Variants in TRIP6 observed in about 807,000 individuals in gnomAD.
The protein encoded by TRIP6 is thyroid hormone receptor interactor 6.
In TRIP6, 33 loss-of-function variants were observed where a neutral mutation model predicts 51.9. The ratio of observed to expected loss-of-function variants is 0.64; its 90% CI spans 0.48 to 0.85. The LOEUF (loss-of-function observed/expected upper bound fraction) is 0.85. TRIP6 is among the 40% of genes least tolerant of loss of function. The pLI, the probability that TRIP6 is intolerant of heterozygous loss-of-function variation, is 0.00. For synonymous variants in TRIP6, 255 were observed against 275.8 expected, an observed-to-expected ratio of 0.92 and a Z score of 0.75; for missense variants, 661 against 652.1, an observed-to-expected ratio of 1.01 and a Z score of -0.15.
In TRIP6 at chr7:100,867,763, G is replaced by T. The variant is rs1360781880; in HGVS notation, c.110-98G>T. 5.3e-6 allele frequency: 8 copies of T among 1,509,026 alleles called. No individual in the cohort carries two copies. The Admixed American group carries it at 1.8e-4, about 35-fold the overall frequency. 93.5% of individuals were successfully genotyped at this position (1,509,026 alleles called of 1,614,324 possible). A position where few individuals can be genotyped will look rare whatever the true frequency, so the allele number is the denominator to read the frequency against. ...GCGCTCTCTTGGGACCCTAGATTTGGGGGAGGAGGTAACGAGAGGCGGAGA... is the reference window on the plus strand; with the variant it reads ...GCGCTCTCTTGGGACCCTAGATTTGTGGGAGGAGGTAACGAGAGGCGGAGA... On this transcript the variant is annotated intron_variant, in intron 1 of 8. Coordinates refer to ENST00000200457, the MANE Select transcript of TRIP6 (RefSeq NM_003302.3). This position sits in a 1 kb window ranked among gnomAD's most constrained non-coding sequence, Gnocchi z 5.4.
At chr7:100,872,181 GT>G (rs34239953) in intron 7 of TRIP6, among the ~76,000 whole-genome samples, 32,723 of 94,922 alleles carry the variant, frequency 0.34, 2,596 homozygotes, top group Non-Finnish European at 0.37. Flanking sequence ...CGCCTGGCTA[GT>G]TTTTTTTTTT....
Position 100,868,637 on chromosome 7 carries a change from C to T in TRIP6, c.506C>T (p.Pro169Leu), listed in dbSNP as rs761604927. Reference protein sequence around the residue: ...TASTPAGPAFPVQVKVAQPVR... With the variant: ...TASTPAGPAFLVQVKVAQPVR... ...AGCACCCCGGCTGGCCCAGCCTTCC[C>T]CGTGCAAGTGAAGGTGGCACAGCCA... The change falls in exon 4 of 9, where the codon CCC becomes CTC. Residue 169 changes from proline to leucine, a missense_variant. Transcript: ENST00000200457. The T allele has an allele frequency of 5.0e-6, 8 of 1,611,906 alleles. No individual in the cohort carries two copies. The South Asian group carries it at 8.8e-5, about 18-fold the overall frequency.
intron 3 of TRIP6, 41 bp downstream of exon 3, chr7:100,868,274 C>T (rs778495731): frequency 1.3e-6 from 2 of 1,592,262 alleles, no homozygotes; most frequent in Non-Finnish European, 1.7e-6. Flanking sequence ...CTGCCCCCTT[C>T]TCTGGACTCT....
chr7:100,871,545 C>T lies in TRIP6; in HGVS notation c.1002C>T (p.Ala334=). 6.2e-7 allele frequency: 1 copy of T among 1,613,046 alleles called. No homozygotes were observed. The highest frequency in any genetic ancestry group is 1.1e-5 in the South Asian group (1 of 91,054). ...RRAYCEGCYV[A]TLEKCATCSQ... ...CTTCCTGCCTTCCTTCCCAACAGGC[C>T]ACCCTGGAGAAATGTGCCACGTGCT... Residue 334 remains alanine, a splice_region_variant and synonymous_variant, in exon 7 of 9, where the codon GCC becomes GCT. Coordinates refer to ENST00000200457, the MANE Select transcript of TRIP6 (RefSeq NM_003302.3).
intron 6 of TRIP6, chr7:100,871,083 G>C (rs1563003168): frequency 1.9e-6 from 1 of 513,302 alleles, no homozygotes; most frequent in Non-Finnish European, 3.8e-6. Flanking sequence ...GCGCAGACTG[G>C]AGTGCAGTGG....
chr7:100,871,833 CTT>C lies in TRIP6; in HGVS notation c.1178+114_1178+115del, dbSNP rs1815278553. ...TTTCCAACCCTGGCCCTCCTTCGTT[CTT>C]TGTTATTGTTATTTTTTAGAGACGG... On this transcript the variant is annotated intron_variant, in intron 7 of 8. Transcript: ENST00000200457. 3.7e-6 allele frequency: 5 copies of C among 1,340,188 alleles called. No homozygotes were observed. The South Asian group carries it at 5.7e-5, about 15-fold the overall frequency. 83.0% of individuals were successfully genotyped at this position (1,340,188 alleles called of 1,614,324 possible). A position where few individuals can be genotyped will look rare whatever the true frequency, so the allele number is the denominator to read the frequency against.
In TRIP6 at chr7:100,870,314, C is replaced by G. The variant is rs1202145698; in HGVS notation, c.736-56C>G. 4 of 1,561,996 alleles carry G rather than the reference C, an allele frequency of 2.6e-6. No individual in the cohort carries two copies. The East Asian group carries it at 9.4e-5, about 37-fold the overall frequency. On this transcript the variant is annotated intron_variant, in intron 4 of 8. Transcript: ENST00000200457. ...GGCCATGGCCTGGCGGCTGAGGGCC[C>G]TGGTATTACAGCATCAGGAGCTAGA...
At chr7:100,871,799 C>A in intron 7 of TRIP6, 78 bp downstream of exon 7, 1 of 1,522,980 alleles carries the variant, frequency 6.6e-7, no homozygotes, top group Non-Finnish European at 8.9e-7. Context: ...CCAGGACTGT[C>A]TCTTCCTGTT....
At position 100,872,848 on chromosome 7, in the gene TRIP6, CTTTCT is replaced by C. The variant is rs933030371; in HGVS notation, c.1299+108_1299+112del. On this transcript the variant is annotated intron_variant, in intron 8 of 8. Transcript: ENST00000200457. ...TGGGGTTGATGGAAACCTGTTGCTT[CTTTCT>C]TTTTTTTTTTTTTTTGAGACGGAGT... is the stretch of plus-strand genomic sequence containing the variant. 3.8e-4 allele frequency: 489 copies of C among 1,280,936 alleles called. No individual in the cohort carries two copies. The Middle Eastern group carries it at 4.4e-3, about 11-fold the overall frequency. The allele number at this position is 1,280,936 out of a possible 1,614,324, so 79.3% of individuals were successfully genotyped here.
Position 100,871,731 on chromosome 7 carries a change from G to C in TRIP6, c.1178+10G>C, listed in dbSNP as rs1240770202. 2.5e-6 allele frequency: 4 copies of C among 1,611,206 alleles called. No individual in the cohort carries two copies. Among genetic ancestry groups the C allele is most frequent in the South Asian group, 1.1e-5 (1 of 91,034 alleles). On this transcript the variant is annotated intron_variant, in intron 7 of 8. Transcript: ENST00000200457. ...TTGAGGACTTTCACAGGTCAGGCCT[G>C]GCCTCCACCTTGTCTCACAATGTCT... is the stretch of plus-strand genomic sequence containing the variant.
At position 100,868,609 on chromosome 7, in the gene TRIP6, G is replaced by A. The variant is rs778314148; in HGVS notation, c.478G>A (p.Ala160Thr). The stretch of plus-strand genomic sequence containing the variant: ...CCCCACTCCAGCCTCTTACACTACC[G>A]CCAGCACCCCGGCTGGCCCAGCCTT... ...GGPTPASYTT[A>T]STPAGPAFPV... The change falls in exon 4 of 9, where the codon GCC (alanine) becomes ACC (threonine). Residue 160 changes from alanine to threonine, a missense_variant. By Grantham distance (58) the Ala-to-Thr change is moderately conservative (BLOSUM62 0). Coordinates refer to ENST00000200457, the MANE Select transcript of TRIP6 (RefSeq NM_003302.3). 7 of 1,612,804 alleles carry A rather than the reference G, an allele frequency of 4.3e-6. No individual in the cohort carries two copies. In the Admixed American group the frequency reaches 5.0e-5, roughly 12 times the overall value.
rs759712570 is a variant in TRIP6, at chr7:100,868,842, A to G, written c.711A>G (p.Gly237=). ...GGGTCTCTGGCCCTGCAGGAAGAGG[A>G]AGAGGAGGCGAGCACGGGCCCCAGG... The part of the protein sequence containing the change: ...AAGVSGPAGR[G]RGGEHGPQVP... The change falls in exon 4 of 9, where the codon GGA becomes GGG. Residue 237 remains glycine, a synonymous_variant. Transcript: ENST00000200457. 6.6e-7 allele frequency: 1 copy of G among 1,515,434 alleles called. No homozygotes were observed. The highest frequency in any genetic ancestry group is 1.3e-5 in the South Asian group (1 of 75,014). 93.9% of individuals were successfully genotyped at this position (1,515,434 alleles called of 1,614,324 possible). A position where few individuals can be genotyped will look rare whatever the true frequency, so the allele number is the denominator to read the frequency against.
chr7:100,870,087 C>T (rs1741016809), intron 4 of TRIP6, among the ~76,000 whole-genome samples: 2 of 152,158 alleles, frequency 1.3e-5, no homozygotes, highest in Admixed American at 1.3e-4. Context: ...GCATTAGATT[C>T]TCATAAGGAG....
At chr7:100,872,015 T>G (rs1017235690) in intron 7 of TRIP6, among the ~76,000 whole-genome samples, 1 of 140,650 alleles carries the variant, frequency 7.1e-6, no homozygotes, top group Non-Finnish European at 1.6e-5. Context: ...TTTTCTTCGT[T>G]TTTTTTTTTT....
intron 2 of TRIP6, 55 bp from the exon 3 acceptor site, chr7:100,868,053 G>A: frequency 1.3e-6 from 2 of 1,571,000 alleles, no homozygotes; most frequent in South Asian, 2.3e-5. Flanking sequence ...AGGGACCCAG[G>A]ACAGGAGAAG....
chr7:100,867,735 C>T lies in TRIP6; in HGVS notation c.110-126C>T. 2 of 1,519,640 alleles carry T rather than the reference C, an allele frequency of 1.3e-6. No individual in the cohort carries two copies. The highest frequency in any genetic ancestry group is 1.8e-6 in the Non-Finnish European group (2 of 1,132,146). The allele number at this position is 1,519,640 out of a possible 1,614,324, so 94.1% of individuals were successfully genotyped here. A position where few individuals can be genotyped will look rare whatever the true frequency, so the allele number is the denominator to read the frequency against. On this transcript the variant is annotated intron_variant, in intron 1 of 8. Coordinates refer to ENST00000200457, the MANE Select transcript of TRIP6 (RefSeq NM_003302.3). This position sits in a 1 kb window ranked among gnomAD's most constrained non-coding sequence, Gnocchi z 5.4. Reference sequence around the variant, plus strand: ...CAAGCCGAGGCGGGGGGAACAGCCGCCTGCGCTCTCTTGGGACCCTAGATT... The same window carrying T: ...CAAGCCGAGGCGGGGGGAACAGCCGTCTGCGCTCTCTTGGGACCCTAGATT...
rs377353132 is a variant in TRIP6 at position 100,867,851 on chromosome 7, C to T, written c.110-10C>T. 4.0e-4 allele frequency: 624 copies of T among 1,541,712 alleles called. No individual in the cohort carries two copies. Among genetic ancestry groups the T allele is most frequent in the Non-Finnish European group, 5.0e-4 (580 of 1,152,102 alleles). On this transcript the variant is annotated splice_polypyrimidine_tract_variant and intron_variant, in intron 1 of 8. Coordinates refer to ENST00000200457, the MANE Select transcript of TRIP6 (RefSeq NM_003302.3). The surrounding 1 kb of genome is among the most constrained non-coding windows in gnomAD (Gnocchi z 5.4). ...CCACCCCACCTTTGATTTCTCTTCCCTCAACCCAGCACTCCAGCCCCACCC... is the reference window on the plus strand; with the variant it reads ...CCACCCCACCTTTGATTTCTCTTCCTTCAACCCAGCACTCCAGCCCCACCC...
Position 100,868,773 on chromosome 7 carries a change from G to C in TRIP6, c.642G>C (p.Arg214Ser). 1 of 1,530,474 alleles carries C rather than the reference G, an allele frequency of 6.5e-7. No individual in the cohort carries two copies. The highest frequency in any genetic ancestry group is 8.7e-7 in the Non-Finnish European group (1 of 1,143,516). 94.8% of individuals were successfully genotyped at this position (1,530,474 alleles called of 1,614,324 possible). A position where few individuals can be genotyped will look rare whatever the true frequency, so the allele number is the denominator to read the frequency against. Residue 214 changes from arginine to serine, a missense_variant, in exon 4 of 9, where the codon AGG becomes AGC. Arg to Ser is a moderately radical substitution (Grantham distance 110, BLOSUM62 -1). Coordinates refer to ENST00000200457, the MANE Select transcript of TRIP6 (RefSeq NM_003302.3). ...GTGAAGTCTGGGGGCCTGGCTATAG[G>C]AGCCAGAGAGAGCCAGGGCCAGGGG... The part of the protein sequence containing the change: ...GRGEVWGPGY[R>S]SQREPGPGAK...
At chr7:100,871,955 C>T (rs1815281462) in intron 7 of TRIP6, among the ~76,000 whole-genome samples, 1 of 152,200 alleles carries the variant, frequency 6.6e-6, no homozygotes, top group Non-Finnish European at 1.5e-5. Flanking sequence ...CCTACCTCAG[C>T]CTCCTGAGTA....
Sources: gnomAD v4.1 joint callset for allele counts (sites outside exome capture counted in the v4.1 genomes callset) on GRCh38, gnomAD v4.1.1 for gene constraint, Gnocchi (gnomAD v3.1) non-coding constraint, MANE v1.5 for transcripts, NCBI Gene and HGNC (gene_info 2026-07-23, HGNC 2026-07-21) for gene names.